The following NRXN1 variants were observed in gnomAD, a reference collection of about 807,000 sequenced individuals.
NRXN1 encodes neurexin 1.
In NRXN1, 39 loss-of-function variants were observed where a neutral mutation model predicts 150.9. The ratio of observed to expected loss-of-function variants is 0.26; its 90% CI spans 0.20 to 0.34. The LOEUF (loss-of-function observed/expected upper bound fraction) is 0.34, where lower values mean the gene tolerates loss of function less well. Among genes scored for constraint, NRXN1 ranks in the 10% least tolerant of loss-of-function variants. The probability of loss-of-function intolerance (pLI) is 1.00; values close to 1 mark genes in which losing one functional copy is unlikely to be tolerated. For synonymous variants in NRXN1, 924 were observed against 757.0 expected, an observed-to-expected ratio of 1.22 and a Z score of -3.62; for missense variants, 1,815 against 1,949.9, an observed-to-expected ratio of 0.93 and a Z score of 1.30.
intron 5 of NRXN1, among the ~76,000 whole-genome samples, chr2:50,668,937 T>C (rs563166139): frequency 1.3e-5 from 2 of 152,052 alleles, no homozygotes; most frequent in South Asian, 2.1e-4. Flanking sequence ...GCATAGGCTG[T>C]TTTTCAGTGT....
At chr2:50,219,569 C>T (rs1292267675) in intron 18 of NRXN1, among the ~76,000 whole-genome samples, 2 of 151,526 alleles carry the variant, frequency 1.3e-5, no homozygotes, top group Non-Finnish European at 2.9e-5. Context: ...CTTTACAAAC[C>T]TCTCATACTA....
At chr2:50,954,337 C>T (rs1158739545) in intron 2 of NRXN1, among the ~76,000 whole-genome samples, 1 of 152,166 alleles carries the variant, frequency 6.6e-6, no homozygotes, top group Non-Finnish European at 1.5e-5. Context: ...ATGTGGACCA[C>T]CTTGTATAAA....
intron 21 of NRXN1, among the ~76,000 whole-genome samples, chr2:49,988,738 A>T (rs1681404912): frequency 1.3e-5 from 2 of 152,134 alleles, no homozygotes; most frequent in African/African-American, 4.8e-5. Context: ...GGGAAAAGAG[A>T]TGATTAATAT....
At chr2:50,544,257 G>A (rs1254556335) in intron 9 of NRXN1, among the ~76,000 whole-genome samples, 1 of 151,874 alleles carries the variant, frequency 6.6e-6, no homozygotes, top group Non-Finnish European at 1.5e-5. Flanking sequence ...ATACAACATT[G>A]ACAATAGGGT....
chr2:50,158,456 T>G (rs115712816), intron 18 of NRXN1, among the ~76,000 whole-genome samples: 2,079 of 151,932 alleles, frequency 0.014, 61 homozygotes, highest in African/African-American at 0.048. Context: ...TGGAACAGAG[T>G]GATGTCTAAC....
intron 18 of NRXN1, among the ~76,000 whole-genome samples, chr2:50,097,283 T>C (rs1700348867): frequency 1.3e-5 from 2 of 152,180 alleles, no homozygotes; most frequent in Non-Finnish European, 2.9e-5. Flanking sequence ...CCTGTTTACG[T>C]TCTGTAAACT....
At chr2:50,511,981 C>G (rs2092468516) in intron 12 of NRXN1, among the ~76,000 whole-genome samples, 2 of 151,808 alleles carry the variant, frequency 1.3e-5, no homozygotes, top group East Asian at 3.9e-4. Context: ...GGATTTTGTC[C>G]CCAGTCTGTC....
intron 5 of NRXN1, among the ~76,000 whole-genome samples, chr2:50,902,314 AT>A (rs1238239489): frequency 2.6e-5 from 4 of 152,170 alleles, no homozygotes; most frequent in African/African-American, 9.6e-5. Context: ...TAGAAAAAAA[AT>A]AAAGCAAATG....
intron 17 of NRXN1, among the ~76,000 whole-genome samples, chr2:50,315,297 G>A (rs892152715): frequency 6.6e-6 from 1 of 152,026 alleles, no homozygotes; most frequent in African/African-American, 2.4e-5. Flanking sequence ...AAAAGTTACT[G>A]AACTGCAAGG....
At chr2:50,905,068 T>C (rs1022120678) in intron 5 of NRXN1, among the ~76,000 whole-genome samples, 1 of 152,142 alleles carries the variant, frequency 6.6e-6, no homozygotes, top group Non-Finnish European at 1.5e-5. Flanking sequence ...ATTGTAAATC[T>C]AGTTTCTCAT....
intron 8 of NRXN1, among the ~76,000 whole-genome samples, chr2:50,599,950 T>C (rs1007578618): frequency 3.9e-5 from 6 of 152,080 alleles, no homozygotes; most frequent in African/African-American, 1.4e-4. Flanking sequence ...AAATGGGGGA[T>C]ACAAAACCAA....
chr2:50,885,557 G>A (rs1680108229), intron 5 of NRXN1, among the ~76,000 whole-genome samples: 1 of 151,132 alleles, frequency 6.6e-6, no homozygotes, highest in African/African-American at 2.4e-5. Context: ...AATTTTCTTG[G>A]TCTCAAAGCA....
At chr2:50,391,920 C>T (rs10191436) in intron 17 of NRXN1, among the ~76,000 whole-genome samples, 81,281 of 151,898 alleles carry the variant, frequency 0.54, 23,044 homozygotes, top group East Asian at 0.79. Context: ...TCTATGTTTC[C>T]GACAATAAAA....
chr2:50,569,470 A>G (rs1289672744), intron 8 of NRXN1, among the ~76,000 whole-genome samples: 1 of 152,050 alleles, frequency 6.6e-6, no homozygotes, highest in African/African-American at 2.4e-5. Flanking sequence ...CCAAGAGTAG[A>G]TTCTGCCATA....
chr2:50,799,285 C>T (rs537431978), intron 5 of NRXN1, among the ~76,000 whole-genome samples: 1 of 152,022 alleles, frequency 6.6e-6, no homozygotes, highest in Non-Finnish European at 1.5e-5. Context: ...GTTTGGATTC[C>T]AGTACAAAGT....
chr2:50,583,159 TC>T (rs1672560895), intron 8 of NRXN1, among the ~76,000 whole-genome samples: 1 of 151,832 alleles, frequency 6.6e-6, no homozygotes. Flanking sequence ...CAAGCAAGCC[TC>T]CCATTTCAGC....
chr2:50,197,695 G>A (rs2061866943), intron 18 of NRXN1, among the ~76,000 whole-genome samples: 1 of 151,960 alleles, frequency 6.6e-6, no homozygotes, highest in South Asian at 2.1e-4. Flanking sequence ...TTTTGCATAT[G>A]TTCTCCCATT....
chr2:50,763,518 A>ATTC (rs1230591740), intron 5 of NRXN1, among the ~76,000 whole-genome samples: 1 of 151,928 alleles, frequency 6.6e-6, no homozygotes, highest in East Asian at 1.9e-4. Context: ...TATTATTATT[A>ATTC]TTATTATTAT....
intron 5 of NRXN1, among the ~76,000 whole-genome samples, chr2:50,846,284 T>A (rs956508806): frequency 6.6e-6 from 1 of 152,182 alleles, no homozygotes; most frequent in Admixed American, 6.5e-5. Flanking sequence ...ACCACAGATC[T>A]GCCTTGAATC....
Sources: allele counts gnomAD v4.1 joint callset (sites outside exome capture counted in the v4.1 genomes callset), GRCh38; gene constraint gnomAD v4.1.1; transcripts MANE v1.5; gene names NCBI Gene and HGNC (gene_info 2026-07-23, HGNC 2026-07-21).